PRR16: variants seen among roughly 807,000 people sequenced by gnomAD.
The protein encoded by PRR16 is protein Largen.
A neutral mutation model predicts 18.2 loss-of-function variants in PRR16; 6 were observed. The ratio of observed to expected loss-of-function variants is 0.33; its 90% CI spans 0.18 to 0.65. The LOEUF is 0.65. Among genes scored for constraint, PRR16 ranks in the 30% least tolerant of loss-of-function variants. The pLI, the probability that PRR16 is intolerant of heterozygous loss-of-function variation, is 0.74. For missense variants in PRR16, 412 were observed against 376.6 expected (o/e 1.09, Z -0.78); for synonymous variants, 151 against 147.8 (o/e 1.02, Z -0.16).
At chr5:120,627,855 G>A (rs1754917425) in intron 1 of PRR16, among the ~76,000 whole-genome samples, 1 of 151,986 alleles carries the variant, frequency 6.6e-6, no homozygotes, top group Non-Finnish European at 1.5e-5. Context: ...ATTAAAGAAA[G>A]ACTTGTCAAA....
At chr5:120,713,606 G>A in the PRR16 span, among the ~76,000 whole-genome samples, 1 of 152,082 alleles carries the variant, frequency 6.6e-6, no homozygotes, top group Non-Finnish European at 1.5e-5. Flanking sequence ...TGTGGACAAA[G>A]AATCTGAGTC....
At chr5:120,640,840 C>G (rs1755398014) in intron 1 of PRR16, among the ~76,000 whole-genome samples, 1 of 152,164 alleles carries the variant, frequency 6.6e-6, no homozygotes, top group African/African-American at 2.4e-5. Context: ...TAGGCATTAA[C>G]TCTTTAAATT....
rs557104877 is a variant in PRR16 at position 120,487,090 on chromosome 5, A to G, written c.159+22445A>G. ...TGAAGTCAGGTAGCGTGATGCCTCT[A>G]GCTTTGTTCTTTTGGCTTAGGATTG... On this transcript the variant is annotated intron_variant, in intron 1 of 1. Coordinates refer to ENST00000407149, the MANE Select transcript of PRR16 (RefSeq NM_001300783.2). 3.3e-5 allele frequency among the ~76,000 whole-genome samples: 5 copies of G among 152,300 alleles called. No individual in the cohort carries two copies. The East Asian group carries it at 9.6e-4, about 29-fold the overall frequency.
Position 120,498,270 on chromosome 5 carries a change from T to C in PRR16, c.159+33625T>C, listed in dbSNP as rs138984987. 8.6e-3 allele frequency among the ~76,000 whole-genome samples: 1,288 copies of C among 149,798 alleles called. 13 individuals are homozygous for C. Among genetic ancestry groups the C allele is most frequent in the African/African-American group, 0.029 (1,192 of 41,124 alleles). On this transcript the variant is annotated intron_variant, in intron 1 of 1. Transcript: ENST00000407149. ...CAGTTTTCCTAGGTATTACATTATA[T>C]ATATGATATATGTGTGTGTATATAT...
chr5:120,747,960 T>C, the PRR16 span, among the ~76,000 whole-genome samples: 2 of 152,254 alleles, frequency 1.3e-5, no homozygotes, highest in African/African-American at 4.8e-5. Context: ...ATTACTTCTT[T>C]TTATAATTAT....
chr5:120,628,250 T>C (rs1469245475), intron 1 of PRR16, among the ~76,000 whole-genome samples: 1 of 152,116 alleles, frequency 6.6e-6, no homozygotes, highest in African/African-American at 2.4e-5. Context: ...TCTTTTTTCA[T>C]AAAGCAATAT....
intron 1 of PRR16, among the ~76,000 whole-genome samples, chr5:120,519,816 CATAA>C (rs762074882): frequency 6.6e-6 from 1 of 151,946 alleles, no homozygotes; most frequent in Non-Finnish European, 1.5e-5. Flanking sequence ...GGGTAAATAA[CATAA>C]ATAAAATCCC....
chr5:120,547,908 A>G (rs1424810036), intron 1 of PRR16, among the ~76,000 whole-genome samples: 2 of 152,020 alleles, frequency 1.3e-5, no homozygotes, highest in South Asian at 4.1e-4. Context: ...ATGTTATTCA[A>G]TTTTCATAGA....
At chr5:120,508,964 G>C (rs1040810430) in intron 1 of PRR16, among the ~76,000 whole-genome samples, 1 of 151,940 alleles carries the variant, frequency 6.6e-6, no homozygotes, top group Non-Finnish European at 1.5e-5. Flanking sequence ...GTTGGGTGAG[G>C]GGGGGGATAG....
At chr5:120,767,419 G>C in the PRR16 span, among the ~76,000 whole-genome samples, 1 of 151,842 alleles carries the variant, frequency 6.6e-6, no homozygotes, top group Admixed American at 6.6e-5. Flanking sequence ...ATCCTTTCAA[G>C]CATGGCTCTT....
chr5:120,653,311 G>A (rs1755855435), intron 1 of PRR16, among the ~76,000 whole-genome samples: 1 of 147,978 alleles, frequency 6.8e-6, no homozygotes, highest in Admixed American at 6.7e-5. Context: ...AAAAAAAAAA[G>A]TATTTTTTCA....
chr5:120,768,181 T>C, the PRR16 span, among the ~76,000 whole-genome samples: 1 of 151,850 alleles, frequency 6.6e-6, no homozygotes, highest in African/African-American at 2.4e-5. Flanking sequence ...TCAACCTTAA[T>C]ACATATTTTA....
intron 1 of PRR16, among the ~76,000 whole-genome samples, chr5:120,654,628 C>T (rs183209678): frequency 6.6e-6 from 1 of 151,822 alleles, no homozygotes; most frequent in African/African-American, 2.4e-5. Context: ...AGATACACAA[C>T]AGAGAGAAAA....
chr5:120,604,041 G>A (rs566531880), intron 1 of PRR16, among the ~76,000 whole-genome samples: 25 of 151,996 alleles, frequency 1.6e-4, no homozygotes, highest in African/African-American at 4.1e-4. Flanking sequence ...GTTGTTGGGT[G>A]TAGTATTCTG....
chr5:120,688,819 C>A (rs1272996249), downstream of PRR16, among the ~76,000 whole-genome samples: 2 of 152,076 alleles, frequency 1.3e-5, no homozygotes, highest in Admixed American at 6.6e-5. Context: ...AATTTCCTTG[C>A]GATAAAGCAA....
At chr5:120,711,333 C>G in the PRR16 span, among the ~76,000 whole-genome samples, 1 of 152,104 alleles carries the variant, frequency 6.6e-6, no homozygotes, top group Non-Finnish European at 1.5e-5. Flanking sequence ...TTTTCTCCCA[C>G]CAGATTATAG....
chr5:120,659,020 C>T (rs1461261893), intron 1 of PRR16, among the ~76,000 whole-genome samples: 5 of 151,742 alleles, frequency 3.3e-5, no homozygotes, highest in African/African-American at 4.8e-5. Context: ...CTCTCACCTG[C>T]GACCCCCCAT....
At chr5:120,639,102 G>A (rs966515910) in intron 1 of PRR16, among the ~76,000 whole-genome samples, 1 of 151,974 alleles carries the variant, frequency 6.6e-6, no homozygotes, top group African/African-American at 2.4e-5. Context: ...ACAAATGAAT[G>A]ACATTTTTTA....
intron 1 of PRR16, among the ~76,000 whole-genome samples, chr5:120,661,355 G>T (rs1266741436): frequency 6.6e-6 from 1 of 152,022 alleles, no homozygotes; most frequent in Non-Finnish European, 1.5e-5. Flanking sequence ...CCTTGTGCTT[G>T]AATTGCTCCT....
Sources: gnomAD v4.1 joint callset for allele counts (sites outside exome capture counted in the v4.1 genomes callset) on GRCh38, gnomAD v4.1.1 for gene constraint, MANE v1.5 for transcripts, NCBI Gene and HGNC (gene_info 2026-07-23, HGNC 2026-07-21) for gene names.